Variants in CCDC187 observed in about 807,000 individuals in gnomAD.
CCDC187 encodes the protein coiled-coil domain containing 187, also known as coiled-coil domain-containing protein 187.
A neutral mutation model predicts 38.0 loss-of-function variants in CCDC187; 32 were observed. That is an observed-to-expected ratio of 0.84 (90% CI 0.64 to 1.13). CCDC187 has a LOEUF of 1.13. CCDC187 is among the 50% of genes most tolerant of loss of function. The pLI, the probability that CCDC187 is intolerant of heterozygous loss-of-function variation, is 0.00. For synonymous variants in CCDC187, 333 were observed against 347.9 expected (o/e 0.96, Z 0.48); for missense variants, 707 against 786.8 (o/e 0.90, Z 1.21).
At chr9:136,281,051 C>A in intron 10 of CCDC187, 1 of 221,900 alleles carries the variant, frequency 4.5e-6, no homozygotes, top group Non-Finnish European at 8.8e-6. Context: ...GCTGCACCAG[C>A]CCCTCCAGCT....
chr9:136,267,350 C>T (rs1262965404), intron 16 of CCDC187, 34 bp downstream of exon 16: 2 of 908,318 alleles, frequency 2.2e-6, no homozygotes, highest in South Asian at 5.3e-5. Context: ...GGGGCTACGG[C>T]GGGGCGGGGC....
In CCDC187 at chr9:136,252,802, GTC is replaced by G. The variant is rs1830565146; in HGVS notation, c.*790_*791del. 2 of 152,336 alleles carry G rather than the reference GTC, an allele frequency of 1.3e-5. No homozygotes were observed. The highest frequency in any genetic ancestry group is 4.8e-5 in the African/African-American group (2 of 41,434). The allele number at this position is 152,336 out of a possible 1,614,324, so 9.4% of individuals were successfully genotyped here. A position where few individuals can be genotyped will look rare whatever the true frequency, so the allele number is the denominator to read the frequency against. The stretch of plus-strand genomic sequence containing the variant: ...ACGTGGAGACCAAGTCCACTGCCTG[GTC>G]TCTCTCCACACCTGGGAGATGGGTA... On this transcript the variant is annotated 3_prime_UTR_variant, in exon 26 of 26. Coordinates refer to ENST00000638797, the MANE Select transcript of CCDC187 (RefSeq NM_001378188.1).
intron 6 of CCDC187, 140 bp downstream of exon 6, chr9:136,290,346 C>T: frequency 2.5e-6 from 1 of 397,806 alleles, no homozygotes; most frequent in Non-Finnish European, 4.4e-6. Flanking sequence ...GCAGCGACGC[C>T]ACGAAGTCCC....
At chr9:136,282,345 A>C (rs1831065233) in intron 9 of CCDC187, among the ~76,000 whole-genome samples, 1 of 152,228 alleles carries the variant, frequency 6.6e-6, no homozygotes, top group Non-Finnish European at 1.5e-5. Flanking sequence ...AGGTGTGGCC[A>C]CTGACCTTTC....
At chr9:136,301,538 G>A (rs1399303294) in intron 2 of CCDC187, among the ~76,000 whole-genome samples, 4 of 151,662 alleles carry the variant, frequency 2.6e-5, no homozygotes, top group African/African-American at 9.7e-5. Flanking sequence ...ATGGAATCAT[G>A]CACTTTAAAA....
At position 136,291,434 on chromosome 9, in the gene CCDC187, C is replaced by G. The variant is rs1767513033; in HGVS notation, c.1179G>C (p.Lys393Asn). ...QAGLELAQAR[K>N]GGQELGPSKR... Reference sequence around the variant, plus strand: ...TTGATGGCCCGAGCTCTTGCCCTCCCTTGCGGGCCTGGGCCAGCTCCAGCC... The same window carrying G: ...TTGATGGCCCGAGCTCTTGCCCTCCGTTGCGGGCCTGGGCCAGCTCCAGCC... Residue 393 changes from lysine (K) to asparagine (N), a missense_variant, in exon 6 of 26, where the codon AAG (lysine) becomes AAC (asparagine). Coordinates refer to ENST00000638797, the MANE Select transcript of CCDC187 (RefSeq NM_001378188.1). The G allele has an allele frequency of 2.5e-6, 1 of 398,914 alleles. No homozygotes were observed. The highest frequency in any genetic ancestry group is 4.4e-6 in the Non-Finnish European group (1 of 226,258). 24.7% of individuals were successfully genotyped at this position (398,914 alleles called of 1,614,324 possible).
intron 10 of CCDC187, among the ~76,000 whole-genome samples, chr9:136,280,534 A>G (rs894223513): frequency 2.0e-5 from 3 of 152,204 alleles, no homozygotes; most frequent in African/African-American, 7.2e-5. Context: ...ACACACACAC[A>G]GGACCCTCTC....
Position 136,258,894 on chromosome 9 carries a change from C to A in CCDC187, c.4366+38G>T. On this transcript the variant is annotated intron_variant, in intron 22 of 25. Coordinates refer to ENST00000638797, the MANE Select transcript of CCDC187 (RefSeq NM_001378188.1). The surrounding 1 kb of genome is among the most constrained non-coding windows in gnomAD (Gnocchi z 4.3). ...TGCTGGATGTGGGGGAAGTGTCTGG[C>A]GCCGTGGAGGCCCACGCGGTGTTTC... is the stretch of plus-strand genomic sequence containing the variant. 1 of 985,528 alleles carries A rather than the reference C, an allele frequency of 1.0e-6. No homozygotes were observed. The highest frequency in any genetic ancestry group is 1.2e-6 in the Non-Finnish European group (1 of 830,054). The allele number at this position is 985,528 out of a possible 1,614,324, so 61.0% of individuals were successfully genotyped here. A position where few individuals can be genotyped will look rare whatever the true frequency, so the allele number is the denominator to read the frequency against.
chr9:136,277,880 G>C (rs1319521526), intron 10 of CCDC187, among the ~76,000 whole-genome samples: 6 of 152,166 alleles, frequency 3.9e-5, no homozygotes, highest in Admixed American at 3.9e-4. Flanking sequence ...TCCCAGAACC[G>C]GCAGCTCCTC....
At chr9:136,277,104 C>A (rs892150758) in intron 10 of CCDC187, among the ~76,000 whole-genome samples, 1,641 of 152,064 alleles carry the variant, frequency 0.011, 14 homozygotes, top group East Asian at 0.019. Flanking sequence ...GCTTTGCCCC[C>A]AGACAGACCG....
rs201720342 is a variant in CCDC187, at chr9:136,257,379, A to T, written c.4367-538T>A. On this transcript the variant is annotated intron_variant, in intron 22 of 25. Coordinates refer to ENST00000638797, the MANE Select transcript of CCDC187 (RefSeq NM_001378188.1). This position sits in a 1 kb window ranked among gnomAD's most constrained non-coding sequence, Gnocchi z 4.5. Reference sequence around the variant, plus strand: ...GAGTGAGACTTTGTCTCAAAATTATAATAATAATAATAATAATAATAATAA... The same window carrying T: ...GAGTGAGACTTTGTCTCAAAATTATTATAATAATAATAATAATAATAATAA... Among the ~76,000 whole-genome samples the T allele has an allele frequency of 2.3e-4, 5 of 21,624 alleles. No individual in the cohort carries two copies. Among genetic ancestry groups the T allele is most frequent in the African/African-American group, 4.5e-4 (4 of 8,794 alleles). The allele number at this position is 21,624 out of a possible 152,430, so 14.2% of individuals were successfully genotyped here.
intron 10 of CCDC187, among the ~76,000 whole-genome samples, chr9:136,277,851 A>G (rs1830962916): frequency 6.6e-6 from 1 of 152,160 alleles, no homozygotes; most frequent in Admixed American, 6.5e-5. Flanking sequence ...AGCCAAGACC[A>G]GGATCCCCAC....
At chr9:136,294,245 C>G (rs1297141194) in intron 4 of CCDC187, among the ~76,000 whole-genome samples, 1 of 151,654 alleles carries the variant, frequency 6.6e-6, no homozygotes, top group Non-Finnish European at 1.5e-5. Context: ...CTCACGTGGT[C>G]TCACACTCTC....
intron 9 of CCDC187, among the ~76,000 whole-genome samples, chr9:136,284,568 G>C (rs1831126748): frequency 6.6e-6 from 1 of 152,166 alleles, no homozygotes; most frequent in African/African-American, 2.4e-5. Context: ...AGTGGCCCAA[G>C]AACGCCTGGC....
At chr9:136,256,513 A>C (rs565400471) in intron 23 of CCDC187, among the ~76,000 whole-genome samples, 190 bp from the exon 24 acceptor site, 33 of 151,988 alleles carry the variant, frequency 2.2e-4, no homozygotes, top group African/African-American at 7.7e-4. Flanking sequence ...CCATGGAAAA[A>C]AAGTCTGTTT....
At chr9:136,304,726 C>T (rs1831772267), upstream of CCDC187, among the ~76,000 whole-genome samples, 1 of 152,216 alleles carries the variant, frequency 6.6e-6, no homozygotes, top group African/African-American at 2.4e-5. Context: ...GGGACCACCC[C>T]CTCCCCCAAT....
intron 4 of CCDC187, among the ~76,000 whole-genome samples, chr9:136,293,172 TGCTCACACACACTCA>T (rs1831382733): frequency 2.7e-4 from 2 of 7,286 alleles, no homozygotes; most frequent in Non-Finnish European, 4.5e-4. Context: ...CACACTCACA[TGCTCACACACACTCA>T]CATGCTCACA....
At chr9:136,287,472 C>T (rs966941866) in intron 7 of CCDC187, among the ~76,000 whole-genome samples, 14 of 152,346 alleles carry the variant, frequency 9.2e-5, no homozygotes, top group African/African-American at 3.1e-4. Flanking sequence ...TCGTTCATCA[C>T]GCTTGCTTCC....
In CCDC187 at chr9:136,286,163, C is replaced by T. The variant is rs1466365798; in HGVS notation, c.2755G>A (p.Glu919Lys). The part of the protein sequence containing the change: ...LLPPTYFLDG[E>K]TLSWGPSWEQ... Reference sequence around the variant, plus strand: ...CAGCTGGGGCCCCACGACAGTGTCTCGCCGTCCAGGAAGTAGGTCGGGGGC... The same window carrying T: ...CAGCTGGGGCCCCACGACAGTGTCTTGCCGTCCAGGAAGTAGGTCGGGGGC... Residue 919 changes from glutamate (E) to lysine (K), a missense_variant, in exon 8 of 26, where the codon GAG becomes AAG. Glu to Lys is a moderately conservative substitution (Grantham distance 56). Transcript: ENST00000638797. 30 of 398,466 alleles carry T rather than the reference C, an allele frequency of 7.5e-5. 1 individual carries two copies. In the Middle Eastern group the frequency reaches 5.0e-3, roughly 66 times the overall value. 24.7% of individuals were successfully genotyped at this position (398,466 alleles called of 1,614,324 possible).
Sources: allele counts gnomAD v4.1 joint callset (sites outside exome capture counted in the v4.1 genomes callset), GRCh38; gene constraint gnomAD v4.1.1; non-coding constraint Gnocchi (gnomAD v3.1); transcripts MANE v1.5; gene names NCBI Gene and HGNC (gene_info 2026-07-23, HGNC 2026-07-21).